The following CDH18 variants were observed in gnomAD, a reference collection of about 807,000 sequenced individuals.
CDH18 encodes cadherin 18, also known as cadherin-18.
CDH18 carries 31 observed loss-of-function variants against 67.9 expected under a neutral mutation model. The observed-to-expected ratio is 0.46, with a 90% CI of 0.34 to 0.62. The LOEUF (loss-of-function observed/expected upper bound fraction) is 0.62. Among genes scored for constraint, CDH18 ranks in the 20% least tolerant of loss-of-function variants. The pLI is 0.01. For missense variants in CDH18, 890 were observed against 975.5 expected (o/e 0.91, Z 1.17); for synonymous variants, 362 against 347.2 (o/e 1.04, Z -0.48).
At chr5:19,482,941 C>A (rs561014333) in intron 12 of CDH18, among the ~76,000 whole-genome samples, 1 of 152,020 alleles carries the variant, frequency 6.6e-6, no homozygotes, top group African/African-American at 2.4e-5. Flanking sequence ...AGAAGCTAAG[C>A]GGGCTGGGGT....
chr5:20,144,981 T>C (rs571207024), intron 2 of CDH18, among the ~76,000 whole-genome samples: 1 of 152,150 alleles, frequency 6.6e-6, no homozygotes, highest in South Asian at 2.1e-4. Flanking sequence ...GGGAGAGGCG[T>C]CAGAAGGAAG....
chr5:19,656,936 C>G (rs944094132), intron 5 of CDH18, among the ~76,000 whole-genome samples: 1 of 151,594 alleles, frequency 6.6e-6, no homozygotes, highest in Non-Finnish European at 1.5e-5. Flanking sequence ...TATACAACTA[C>G]CTACTAGCAA....
At position 19,560,153 on chromosome 5, in the gene CDH18, GA is replaced by G. The variant is rs34333642; in HGVS notation, c.1253+11425del. On this transcript the variant is annotated intron_variant, in intron 8 of 12. Coordinates refer to ENST00000382275, the MANE Select transcript of CDH18 (RefSeq NM_004934.5). ...ACCACCATCATTCTTCACAAAACTA[GA>G]AAAAAAATCCTAAAATTCATATGGA... 5.9e-5 allele frequency among the ~76,000 whole-genome samples: 9 copies of G among 151,482 alleles called. No individual in the cohort carries two copies. The East Asian group carries it at 1.6e-3, about 26-fold the overall frequency.
At chr5:20,003,903 C>A (rs1343395643) in intron 2 of CDH18, among the ~76,000 whole-genome samples, 1 of 151,790 alleles carries the variant, frequency 6.6e-6, no homozygotes, top group Non-Finnish European at 1.5e-5. Flanking sequence ...TCTCAAAAAA[C>A]AAACAAACAA....
At chr5:19,621,881 C>G (rs1179316093) in intron 5 of CDH18, among the ~76,000 whole-genome samples, 1 of 152,168 alleles carries the variant, frequency 6.6e-6, no homozygotes, top group Non-Finnish European at 1.5e-5. Context: ...CAGCCAGTAA[C>G]TATATATTGA....
chr5:20,038,798 C>G (rs576959618), intron 2 of CDH18, among the ~76,000 whole-genome samples: 1 of 152,146 alleles, frequency 6.6e-6, no homozygotes, highest in African/African-American at 2.4e-5. Context: ...CAAGGATGTC[C>G]TCTATCATCA....
intron 8 of CDH18, among the ~76,000 whole-genome samples, chr5:19,545,694 C>T (rs1016843679): frequency 1.3e-5 from 2 of 151,974 alleles, no homozygotes; most frequent in African/African-American, 4.8e-5. Flanking sequence ...TTGATAGGCC[C>T]CTTTACTGAG....
chr5:19,950,202 G>T (rs1025605561), intron 2 of CDH18, among the ~76,000 whole-genome samples: 2 of 152,088 alleles, frequency 1.3e-5, no homozygotes, highest in African/African-American at 4.8e-5. Context: ...AAAAGGGAAT[G>T]AAATAATGGC....
intron 5 of CDH18, among the ~76,000 whole-genome samples, chr5:19,664,069 T>A (rs186419526): frequency 1.3e-3 from 197 of 152,012 alleles, no homozygotes; most frequent in Middle Eastern, 3.4e-3. Flanking sequence ...TGAACTAAAT[T>A]GGATTCAGCA....
intron 2 of CDH18, among the ~76,000 whole-genome samples, chr5:19,886,939 A>G (rs933030809): frequency 4.6e-5 from 7 of 152,106 alleles, no homozygotes; most frequent in Admixed American, 2.0e-4. Flanking sequence ...TGATCTTTAC[A>G]TTGCTATATA....
intron 9 of CDH18, among the ~76,000 whole-genome samples, chr5:19,523,133 T>C (rs1239084152): frequency 6.6e-6 from 1 of 152,026 alleles, no homozygotes; most frequent in Non-Finnish European, 1.5e-5. Flanking sequence ...ATAATAATAA[T>C]AGTAGTAGTA....
At chr5:20,417,134 A>G (rs1356856739) in intron 1 of CDH18, among the ~76,000 whole-genome samples, 2 of 152,154 alleles carry the variant, frequency 1.3e-5, no homozygotes, top group Non-Finnish European at 2.9e-5. Context: ...AGAAATATGT[A>G]TTAATGAATC....
At chr5:20,226,730 T>C (rs149859645) in intron 2 of CDH18, among the ~76,000 whole-genome samples, 216 of 152,230 alleles carry the variant, frequency 1.4e-3, no homozygotes, top group African/African-American at 5.0e-3. Flanking sequence ...AGTGGAATAA[T>C]TATTTACTAC....
intron 1 of CDH18, among the ~76,000 whole-genome samples, chr5:20,518,864 A>G (rs755226257): frequency 3.9e-5 from 6 of 152,198 alleles, no homozygotes; most frequent in Non-Finnish European, 5.9e-5. Context: ...AAAACTTTGG[A>G]AGGATAAAGA....
chr5:20,038,716 G>A (rs931031108), intron 2 of CDH18, among the ~76,000 whole-genome samples: 6 of 152,184 alleles, frequency 3.9e-5, no homozygotes, highest in African/African-American at 1.4e-4. Context: ...AGCTATTTAT[G>A]ACAAACCCAC....
intron 10 of CDH18, among the ~76,000 whole-genome samples, chr5:19,509,099 C>A (rs1275836444): frequency 2.0e-5 from 3 of 151,988 alleles, no homozygotes; most frequent in Non-Finnish European, 2.9e-5. Flanking sequence ...GAACCCCTGG[C>A]CTCAAGTGAT....
chr5:19,656,527 A>T lies in CDH18; in HGVS notation c.644-43926T>A, dbSNP rs543852051. On this transcript the variant is annotated intron_variant, in intron 5 of 12. Transcript: ENST00000382275. ...TTTCGTTTGGACAGCTTAGAAATGT[A>T]GATGAGTTTAAGAAAATTATTCCAG... 1.4e-4 allele frequency among the ~76,000 whole-genome samples: 22 copies of T among 152,268 alleles called. 1 individual carries two copies. In the South Asian group the frequency reaches 3.9e-3, roughly 27 times the overall value.
intron 1 of CDH18, among the ~76,000 whole-genome samples, chr5:20,418,095 A>G (rs1356923267): frequency 6.6e-6 from 1 of 151,768 alleles, no homozygotes; most frequent in African/African-American, 2.4e-5. Flanking sequence ...TTTTGTTGAG[A>G]CAGACTCTTG....
intron 5 of CDH18, among the ~76,000 whole-genome samples, chr5:19,656,866 CTCTG>C (rs1370518185): frequency 1.3e-5 from 2 of 151,794 alleles, no homozygotes; most frequent in African/African-American, 4.8e-5. Context: ...CCCTCTCTCT[CTCTG>C]TCTTTCTCTT....
Sources: gnomAD v4.1 joint callset for allele counts (sites outside exome capture counted in the v4.1 genomes callset) on GRCh38, gnomAD v4.1.1 for gene constraint, MANE v1.5 for transcripts, NCBI Gene and HGNC (gene_info 2026-07-23, HGNC 2026-07-21) for gene names.